Variants in WDR24 observed in about 807,000 individuals in gnomAD.
WDR24 encodes the protein GATOR2 complex protein WDR24.
A neutral mutation model predicts 66.7 loss-of-function variants in WDR24; 32 were observed. The observed-to-expected ratio is 0.48, with a 90% confidence interval of 0.36 to 0.64. The LOEUF (loss-of-function observed/expected upper bound fraction) is 0.64. WDR24 is among the 30% of genes least tolerant of loss of function. The pLI is 0.00. For synonymous variants in WDR24, 565 were observed against 469.1 expected (o/e 1.20, Z -2.64); for missense variants, 978 against 1,144.1 (o/e 0.85, Z 2.09).
chr16:685,811 GGTC>G (rs753419390), intron 5 of WDR24, 28 bp from the exon 6 acceptor site: 4 of 1,613,050 alleles, frequency 2.5e-6, no homozygotes, highest in Middle Eastern at 1.6e-4. Flanking sequence ...GGGCATTCAG[GGTC>G]GTCTGGGACA....
chr16:688,593 G>A (rs1277231456), intron 1 of WDR24, among the ~76,000 whole-genome samples: 1 of 152,232 alleles, frequency 6.6e-6, no homozygotes, highest in East Asian at 1.9e-4. Flanking sequence ...CGCCCTGCCA[G>A]GATCTGTCTT....
Position 685,068 on chromosome 16 carries a change from G to T in WDR24, c.2128C>A (p.Gln710Lys). The T allele has an allele frequency of 1.3e-6, 2 of 1,558,480 alleles. No homozygotes were observed. Among genetic ancestry groups the T allele is most frequent in the African/African-American group, 1.4e-5 (1 of 73,608 alleles). The change falls in exon 8 of 9, where the codon CAG becomes AAG. Residue 710 changes from glutamine (Q) to lysine (K), a missense_variant. Physicochemically the swap from Gln to Lys is moderately conservative, Grantham distance 53. This residue lies in a region of WDR24 where 676 missense variants were observed against 617.5 expected (regional missense o/e 1.09). Coordinates refer to ENST00000293883, the MANE Select transcript of WDR24 (RefSeq NM_032259.4). Reference protein sequence around the residue: ...STSRAVSCLNQASTTLHVNCS... With the variant: ...STSRAVSCLNKASTTLHVNCS... ...TTGACGTGCAGGGTGGTGGAGGCCT[G>T]GTTGAGGCAGCTGACGGCGCGGCTG...
In WDR24 at chr16:689,617, G is replaced by A. The variant is rs747349298; in HGVS notation, c.24C>T (p.Thr8=). MEKMSRV[T]TALGGSVLTG... is the part of the protein sequence containing the mutation. ...TCAGCACGCTGCCACCCAGGGCTGT[G>A]GTCACACGGGACATCTTCTCCATGG... The change falls in exon 1 of 9, where the codon ACC becomes ACT. Residue 8 remains threonine (T), a synonymous_variant. Transcript: ENST00000293883. 9 of 1,612,566 alleles carry A rather than the reference G, an allele frequency of 5.6e-6. No individual in the cohort carries two copies. In the Admixed American group the frequency reaches 1.3e-4, roughly 24 times the overall value.
Position 685,920 on chromosome 16 carries a change from G to A in WDR24, c.1522C>T (p.Arg508Trp), listed in dbSNP as rs763198533. 27 of 1,613,096 alleles carry A rather than the reference G, an allele frequency of 1.7e-5. No homozygotes were observed. The highest frequency in any genetic ancestry group is 5.3e-5 in the African/African-American group (4 of 74,966). ...TRLDRSKGDA[R>W]SDTVLLDSSA... ...GAGTCGAGCAGAACTGTGTCGCTCC[G>A]TGCATCTCCTTTGCTGCGGTCCAGC... The change falls in exon 5 of 9, where the codon CGG becomes TGG. Residue 508 changes from arginine (R) to tryptophan (W), a missense_variant. By Grantham distance (101) the Arg-to-Trp change is moderately radical. Transcript: ENST00000293883.
rs2039921654 is a variant in WDR24 at position 687,401 on chromosome 16, AGTGGCCAACCAGCCCCT to A, written c.660-2_674del. 2 of 1,589,734 alleles carry A rather than the reference AGTGGCCAACCAGCCCCT, an allele frequency of 1.3e-6. No individual in the cohort carries two copies. The highest frequency in any genetic ancestry group is 1.7e-5 in the Admixed American group (1 of 58,790). ...CCTTCACCATCTTGTCGCGCCCTCCAGTGGCCAACCAGCCCCTGTGGGAAGAAGGTCCACCCAAACCC... is the reference window on the plus strand; with the variant it reads ...CCTTCACCATCTTGTCGCGCCCTCCAGTGGGAAGAAGGTCCACCCAAACCC... On this transcript the variant is annotated splice_acceptor_variant and coding_sequence_variant, in exon 3 of 9. Coordinates refer to ENST00000293883, the MANE Select transcript of WDR24 (RefSeq NM_032259.4). LOFTEE classifies it high-confidence loss of function.
In WDR24 at chr16:685,937, C is replaced by A. The variant is rs750841485; in HGVS notation, c.1505G>T (p.Arg502Leu). Residue 502 changes from arginine (R) to leucine (L), a missense_variant, in exon 5 of 9, where the codon CGC becomes CTC. By Grantham distance (102) the Arg-to-Leu change is moderately radical. Around this residue, in one of 2 missense-constraint regions of WDR24, gnomAD observed 676 missense variants for 617.5 expected, o/e 1.09. Coordinates refer to ENST00000293883, the MANE Select transcript of WDR24 (RefSeq NM_032259.4). ...PGLGSETRLD[R>L]SKGDARSDTV... ...GTCGCTCCGTGCATCTCCTTTGCTG[C>A]GGTCCAGCCGCGTCTCACTGCCCAA... 2 of 1,613,100 alleles carry A rather than the reference C, an allele frequency of 1.2e-6. No individual in the cohort carries two copies. Among genetic ancestry groups the A allele is most frequent in the Non-Finnish European group, 1.7e-6 (2 of 1,179,994 alleles).
chr16:687,727 C>T lies in WDR24; in HGVS notation c.494G>A (p.Ser165Asn). ...SVSTFSGQSE[S>N]VRDVQFSIRD... ...GATACTGAACTGCACGTCCCGCACG[C>T]TCTCCGACTGGCCTGCAGGCAGGAG... The change falls in exon 2 of 9, where the codon AGC becomes AAC. Residue 165 changes from serine to asparagine, a missense_variant. Coordinates refer to ENST00000293883, the MANE Select transcript of WDR24 (RefSeq NM_032259.4). The T allele has an allele frequency of 6.2e-7, 1 of 1,613,124 alleles. No homozygotes were observed. Among genetic ancestry groups the T allele is most frequent in the South Asian group, 1.1e-5 (1 of 91,032 alleles).
rs144857368 is a variant in WDR24 at position 688,661 on chromosome 16, G to T, written c.481+499C>A. ...GGCTCCGCCTTGTGCTTCATACCTA[G>T]TCTCCTCCAGGTGAACAAGGGAGAG... On this transcript the variant is annotated intron_variant, in intron 1 of 8. Coordinates refer to ENST00000293883, the MANE Select transcript of WDR24 (RefSeq NM_032259.4). 6.4e-3 allele frequency among the ~76,000 whole-genome samples: 970 copies of T among 152,328 alleles called. 54 individuals carry two copies. The highest frequency in any genetic ancestry group is 0.059 in the Admixed American group (902 of 15,298).
At position 687,638 on chromosome 16, in the gene WDR24, G is replaced by A. The variant is rs1249219509; in HGVS notation, c.583C>T (p.Arg195Cys). The A allele has an allele frequency of 1.9e-6, 3 of 1,613,532 alleles. No homozygotes were observed. Among genetic ancestry groups the A allele is most frequent in the African/African-American group, 1.3e-5 (1 of 75,054 alleles). The change falls in exon 2 of 9, where the codon CGT becomes TGT. Residue 195 changes from arginine to cysteine, a missense_variant. Physicochemically the swap from Arg to Cys is radical, Grantham distance 180. Coordinates refer to ENST00000293883, the MANE Select transcript of WDR24 (RefSeq NM_032259.4). The stretch of plus-strand genomic sequence containing the variant: ...AACATCCTCTCGCACCGGTCGGGAC[G>A]CCGGATGTCCCAGAGCTGCACATTG... Reference protein sequence around the residue: ...NGNVQLWDIRRPDRCERMFTA... With the variant: ...NGNVQLWDIRCPDRCERMFTA...
Position 684,808 on chromosome 16 carries a change from G to C in WDR24, c.2299C>G (p.Gln767Glu), listed in dbSNP as rs1301653376. ...CCTTCCAGCCACTTCATGATGTGCT[G>C]CAGGTGGCCGCCGTGGCTGCAGCCC... is the stretch of plus-strand genomic sequence containing the variant. ...CQGCSHGGHL[Q>E]HIMKWLEGSS... The change falls in exon 9 of 9, where the codon CAG (glutamine) becomes GAG (glutamate). Residue 767 changes from glutamine (Q) to glutamate (E), a missense_variant. By Grantham distance (29) the Gln-to-Glu change is conservative (BLOSUM62 2). Around this residue, in one of 2 missense-constraint regions of WDR24, gnomAD observed 676 missense variants for 617.5 expected, o/e 1.09. Coordinates refer to ENST00000293883, the MANE Select transcript of WDR24 (RefSeq NM_032259.4). The C allele has an allele frequency of 1.9e-6, 3 of 1,580,110 alleles. No homozygotes were observed. Among genetic ancestry groups the C allele is most frequent in the Non-Finnish European group, 2.6e-6 (3 of 1,164,720 alleles).
chr16:688,918 C>G (rs2039938378), intron 1 of WDR24: 5 of 600,432 alleles, frequency 8.3e-6, no homozygotes, highest in Non-Finnish European at 1.4e-5. Flanking sequence ...TCCCTCACCC[C>G]ACACCTAGCC....
intron 1 of WDR24, chr16:688,900 C>T: frequency 1.9e-6 from 1 of 522,218 alleles, no homozygotes; most frequent in Non-Finnish European, 3.4e-6. Context: ...ACCGCTGGGG[C>T]TCTGCCCTCC....
chr16:686,677 T>A, intron 3 of WDR24, 67 bp downstream of exon 3: 3 of 1,513,404 alleles, frequency 2.0e-6, no homozygotes, highest in Non-Finnish European at 2.7e-6. Flanking sequence ...TGAGCGCAGC[T>A]GACGGAGGAA....
rs2039912030 is a variant in WDR24, at chr16:686,737, T to TA, written c.1332+6dup. On this transcript the variant is annotated splice_region_variant and intron_variant, in intron 3 of 8. Transcript: ENST00000293883. ...CCCAGGGACCCCCAGGCTCAGCACC[T>TA]ACCTACCTGGTTGCGGCCAAGCTCT... is the stretch of plus-strand genomic sequence containing the variant. 1 of 1,587,138 alleles carries TA rather than the reference T, an allele frequency of 6.3e-7. No individual in the cohort carries two copies. Among genetic ancestry groups the TA allele is most frequent in the Non-Finnish European group, 8.6e-7 (1 of 1,163,436 alleles).
chr16:687,081 C>G lies in WDR24; in HGVS notation c.995G>C (p.Ser332Thr). ...SLCQHLFRDA[S>T]QPVERANPEG... ...AGGGTTGGCGCGCTCGACGGGCTGG[C>G]TGGCGTCGCGGAACAGGTGCTGGCA... Residue 332 changes from serine (S) to threonine (T), a missense_variant, in exon 3 of 9, where the codon AGC (serine) becomes ACC (threonine). By Grantham distance (58) the Ser-to-Thr change is moderately conservative. Transcript: ENST00000293883. The G allele has an allele frequency of 6.2e-7, 1 of 1,607,380 alleles. No individual in the cohort carries two copies. Among genetic ancestry groups the G allele is most frequent in the Non-Finnish European group, 8.5e-7 (1 of 1,179,180 alleles).
chr16:685,897 G>A lies in WDR24; in HGVS notation c.1545C>T (p.Asp515=), dbSNP rs375611479. 14 of 1,613,032 alleles carry A rather than the reference G, an allele frequency of 8.7e-6. No individual in the cohort carries two copies. In the African/African-American group the frequency reaches 1.7e-4, roughly 20 times the overall value. ...CATTGGTGATGAGTGTGGCCGAGGA[G>A]TCGAGCAGAACTGTGTCGCTCCGTG... ...GDARSDTVLL[D]SSATLITNED... The change falls in exon 5 of 9, where the codon GAC becomes GAT. Residue 515 remains aspartate (D), a synonymous_variant. Transcript: ENST00000293883.
chr16:685,846 C>T (rs1317996577), intron 5 of WDR24, 23 bp downstream of exon 5: 4 of 1,613,000 alleles, frequency 2.5e-6, no homozygotes, highest in African/African-American at 1.3e-5. Flanking sequence ...CTCCCATCAG[C>T]ACCCCTACCC....
At position 687,717 on chromosome 16, in the gene WDR24, G is replaced by C; in HGVS notation, c.504C>G (p.Asp168Glu). 6.2e-7 allele frequency: 1 copy of C among 1,613,342 alleles called. No homozygotes were observed. Among genetic ancestry groups the C allele is most frequent in the Non-Finnish European group, 8.5e-7 (1 of 1,179,900 alleles). ...TFSGQSESVR[D>E]VQFSIRDYFT... Reference sequence around the variant, plus strand: ...AGTAGTCCCGGATACTGAACTGCACGTCCCGCACGCTCTCCGACTGGCCTG... The same window carrying C: ...AGTAGTCCCGGATACTGAACTGCACCTCCCGCACGCTCTCCGACTGGCCTG... Residue 168 changes from aspartate (D) to glutamate (E), a missense_variant, in exon 2 of 9, where the codon GAC becomes GAG. This residue lies in a region of WDR24 where 302 missense variants were observed against 526.6 expected (regional missense o/e 0.57). Transcript: ENST00000293883.
intron 1 of WDR24, 162 bp from the exon 2 acceptor site, chr16:687,901 C>CA: frequency 5.4e-6 from 5 of 931,430 alleles, no homozygotes; most frequent in Non-Finnish European, 6.7e-6. Flanking sequence ...AGCAGCCACA[C>CA]AGAGTCGCCA....
Sources: allele counts gnomAD v4.1 joint callset (sites outside exome capture counted in the v4.1 genomes callset), GRCh38; gene constraint gnomAD v4.1.1; regional missense constraint gnomAD v4.1.1; transcripts MANE v1.5; gene names NCBI Gene and HGNC (gene_info 2026-07-23, HGNC 2026-07-21).